NFE2L1: variants seen among roughly 807,000 people sequenced by gnomAD.
The protein encoded by NFE2L1 is NFE2 like bZIP transcription factor 1.
In NFE2L1, 18 loss-of-function variants were observed where a neutral mutation model predicts 61.6. That is an observed-to-expected ratio of 0.29 (90% CI 0.20 to 0.43). The LOEUF (loss-of-function observed/expected upper bound fraction) is 0.43. Among genes scored for constraint, NFE2L1 ranks in the 20% least tolerant of loss-of-function variants. NFE2L1 has a pLI of 1.00. For synonymous variants in NFE2L1, 419 were observed against 402.7 expected (o/e 1.04, Z -0.48); for missense variants, 827 against 973.5 (o/e 0.85, Z 2.00).
At chr17:48,054,502 A>C in intron 2 of NFE2L1, 3 of 766,036 alleles carry the variant, frequency 3.9e-6, no homozygotes, top group Non-Finnish European at 5.1e-6. Flanking sequence ...GGCGCAGCCT[A>C]GGTAACGACA....
Position 48,059,167 on chromosome 17 carries a change from G to A in NFE2L1, c.1845G>A (p.Glu615=), listed in dbSNP as rs778457767. The change falls in exon 6 of 6, where the codon GAG becomes GAA. Residue 615 remains glutamate, a synonymous_variant. Coordinates refer to ENST00000362042, the MANE Select transcript of NFE2L1 (RefSeq NM_003204.3). This position sits in a 1 kb window ranked among gnomAD's most constrained non-coding sequence, Gnocchi z 6.1. ...TGGACAAGCAGATGAGCCGGGATGA[G>A]CACCGAGCCCGAGCCATGAAGATCC... is the stretch of plus-strand genomic sequence containing the variant. ...DFLDKQMSRD[E]HRARAMKIPF... 9 of 1,613,962 alleles carry A rather than the reference G, an allele frequency of 5.6e-6. No individual in the cohort carries two copies. The East Asian group carries it at 2.0e-4, about 36-fold the overall frequency.
At position 48,059,803 on chromosome 17, in the gene NFE2L1, A is replaced by C. The variant is rs1359012342; in HGVS notation, c.*162A>C. Reference sequence around the variant, plus strand: ...GGTCAGTGTACAGGAAGAGGCAGGCACTGGCTGGCTCAGCTCCACTCGGGT... The same window carrying C: ...GGTCAGTGTACAGGAAGAGGCAGGCCCTGGCTGGCTCAGCTCCACTCGGGT... On this transcript the variant is annotated 3_prime_UTR_variant, in exon 6 of 6. Coordinates refer to ENST00000362042, the MANE Select transcript of NFE2L1 (RefSeq NM_003204.3). This position sits in a 1 kb window ranked among gnomAD's most constrained non-coding sequence, Gnocchi z 6.1. 9.0e-7 allele frequency: 1 copy of C among 1,112,420 alleles called. No homozygotes were observed. The highest frequency in any genetic ancestry group is 2.6e-5 in the East Asian group (1 of 38,142). The allele number at this position is 1,112,420 out of a possible 1,614,324, so 68.9% of individuals were successfully genotyped here.
At chr17:48,054,079 G>A (rs548103068) in intron 2 of NFE2L1, among the ~76,000 whole-genome samples, 8 of 152,302 alleles carry the variant, frequency 5.3e-5, no homozygotes, top group South Asian at 2.1e-4. Context: ...AGCCTGGCTC[G>A]TGATCCCTGG....
In NFE2L1 at chr17:48,059,513, C is replaced by G. The variant is rs142615419; in HGVS notation, c.2191C>G (p.Arg731Gly). 1.9e-6 allele frequency: 3 copies of G among 1,613,884 alleles called. No individual in the cohort carries two copies. The African/African-American group carries it at 4.0e-5, about 22-fold the overall frequency. Residue 731 changes from arginine (R) to glycine (G), a missense_variant, in exon 6 of 6, where the codon CGA (arginine) becomes GGA (glycine). Arg to Gly is a moderately radical substitution (Grantham distance 125, BLOSUM62 -2). Transcript: ENST00000362042. The surrounding 1 kb of genome is among the most constrained non-coding windows in gnomAD (Gnocchi z 6.1). ...TGGGCGGCTGCGAGATGAGAACGGA[C>G]GACCCTACTCGCCCAGTCAGTATGC... ...VFGRLRDENGRPYSPSQYALQ... is the reference protein window; with the variant it reads ...VFGRLRDENGGPYSPSQYALQ...
chr17:48,052,202 A>G (rs544978953), intron 2 of NFE2L1, among the ~76,000 whole-genome samples: 2 of 152,254 alleles, frequency 1.3e-5, no homozygotes, highest in Admixed American at 6.5e-5. Flanking sequence ...AGTAGGGAAG[A>G]GAAGTCTGGG....
rs139220224 is a variant in NFE2L1 at position 48,057,710 on chromosome 17, G to T, written c.972+208G>T. Among the ~76,000 whole-genome samples the T allele has an allele frequency of 1.1e-3, 166 of 152,310 alleles. 1 individual carries two copies. The East Asian group carries it at 0.022, about 20-fold the overall frequency. On this transcript the variant is annotated intron_variant, in intron 5 of 5. Coordinates refer to ENST00000362042, the MANE Select transcript of NFE2L1 (RefSeq NM_003204.3). ...AGGGTTTGGGTTAAATAAAACTCAG[G>T]ACTCAGCCTTCCAAATCAGGGCCTG...
In NFE2L1 at chr17:48,060,043, C is replaced by CCCCA. The variant is rs1555575576; in HGVS notation, c.*405_*406insACCC. 1 of 148,018 alleles carries CCCCA rather than the reference C, an allele frequency of 6.8e-6. No individual in the cohort carries two copies. Among genetic ancestry groups the CCCCA allele is most frequent in the African/African-American group, 2.7e-5 (1 of 37,092 alleles). 9.2% of individuals were successfully genotyped at this position (148,018 alleles called of 1,614,324 possible). ...GAAGGAAGGAAGGAAGGAACCCCCCCCCCCCCGAAAAAAAAATCAAAGCGG... is the reference window on the plus strand; with the variant it reads ...GAAGGAAGGAAGGAAGGAACCCCCCCCCCACCCCCCGAAAAAAAAATCAAAGCGG... On this transcript the variant is annotated 3_prime_UTR_variant, in exon 6 of 6. Coordinates refer to ENST00000362042, the MANE Select transcript of NFE2L1 (RefSeq NM_003204.3).
At chr17:48,057,830 G>A (rs547707462) in intron 5 of NFE2L1, among the ~76,000 whole-genome samples, 1 of 152,280 alleles carries the variant, frequency 6.6e-6, no homozygotes, top group South Asian at 2.1e-4. Flanking sequence ...ACATTCACAT[G>A]GTGCTTCACA....
In NFE2L1 at chr17:48,060,028, A is replaced by G. The variant is rs2037508627; in HGVS notation, c.*387A>G. 1.9e-5 allele frequency: 2 copies of G among 104,118 alleles called. No individual in the cohort carries two copies. Among genetic ancestry groups the G allele is most frequent in the Non-Finnish European group, 3.8e-5 (2 of 52,758 alleles). 6.4% of individuals were successfully genotyped at this position (104,118 alleles called of 1,614,324 possible). On this transcript the variant is annotated 3_prime_UTR_variant, in exon 6 of 6. Transcript: ENST00000362042. ...CAGGAAGGAGGGATAGAAGGAAGGA[A>G]GGAAGGAACCCCCCCCCCCCCGAAA... is the stretch of plus-strand genomic sequence containing the variant.
chr17:48,051,199 C>T lies in NFE2L1; in HGVS notation c.81C>T (p.Asp27=), dbSNP rs760547248. 3.1e-6 allele frequency: 5 copies of T among 1,614,080 alleles called. No homozygotes were observed. The highest frequency in any genetic ancestry group is 2.7e-5 in the African/African-American group (2 of 74,922). The change falls in exon 2 of 6, where the codon GAC becomes GAT. Residue 27 remains aspartate, a synonymous_variant. Transcript: ENST00000362042. ...ILLSLIGVRV[D]VDTYLTSQLP... ...TGAGTTTGATTGGGGTACGGGTGGA[C>T]GTGGATACTTACCTGACCTCACAGC...
chr17:48,055,220 A>G (rs916443145), intron 2 of NFE2L1: 3 of 1,279,126 alleles, frequency 2.3e-6, no homozygotes, highest in Non-Finnish European at 2.0e-6. Flanking sequence ...TTAATGGGAG[A>G]AGAATACCGA....
At chr17:48,054,913 A>G (rs978715015) in intron 2 of NFE2L1, 2 of 1,395,964 alleles carry the variant, frequency 1.4e-6, no homozygotes, top group Admixed American at 3.0e-5. Flanking sequence ...GGAGCTAGCA[A>G]GGGGCCACCC....
chr17:48,057,415 C>T lies in NFE2L1; in HGVS notation c.885C>T (p.Asn295=), dbSNP rs1007496466. ...GTGAGCCCCCTGCTCTTCAAAACAA[C>T]CTCTTGTCTCCTCTTCTGACCGGGA... is the stretch of plus-strand genomic sequence containing the variant. ...SESEPPALQN[N]LLSPLLTGTE... The change falls in exon 5 of 6, where the codon AAC becomes AAT. Residue 295 remains asparagine, a synonymous_variant. Coordinates refer to ENST00000362042, the MANE Select transcript of NFE2L1 (RefSeq NM_003204.3). The T allele has an allele frequency of 6.2e-7, 1 of 1,614,206 alleles. No homozygotes were observed. The highest frequency in any genetic ancestry group is 8.5e-7 in the Non-Finnish European group (1 of 1,180,028).
chr17:48,059,099 A>G lies in NFE2L1; in HGVS notation c.1777A>G (p.Ser593Gly). The stretch of plus-strand genomic sequence containing the variant: ...GGACTCAGCCGACCTGCCACCACCC[A>G]GTGCCCTCAAGAAAGGCAGCAAGGA... ...ALDSADLPPP[S>G]ALKKGSKEKQ... Residue 593 changes from serine to glycine, a missense_variant, in exon 6 of 6, where the codon AGT (serine) becomes GGT (glycine). Transcript: ENST00000362042. This position sits in a 1 kb window ranked among gnomAD's most constrained non-coding sequence, Gnocchi z 6.1. The G allele has an allele frequency of 1.2e-6, 2 of 1,614,118 alleles. No individual in the cohort carries two copies. The highest frequency in any genetic ancestry group is 1.7e-6 in the Non-Finnish European group (2 of 1,180,040).
rs186077740 is a variant in NFE2L1 at position 48,058,453 on chromosome 17, C to T, written c.1131C>T (p.Leu377=). ...GGGGCTGCAGCCAGGACTTCTTACT[C>T]TTCAGCCCCGAGGTGGAAAGCCTGC... ...SLGGCSQDFL[L]FSPEVESLPV... The change falls in exon 6 of 6, where the codon CTC becomes CTT. Residue 377 remains leucine, a synonymous_variant. Transcript: ENST00000362042. The T allele has an allele frequency of 1.4e-4, 218 of 1,614,118 alleles. 1 individual carries two copies. Among genetic ancestry groups the T allele is most frequent in the Non-Finnish European group, 1.8e-4 (215 of 1,180,004 alleles).
chr17:48,059,551 C>T lies in NFE2L1; in HGVS notation c.2229C>T (p.Ala743=), dbSNP rs766791282. 19 of 1,611,646 alleles carry T rather than the reference C, an allele frequency of 1.2e-5. No homozygotes were observed. The East Asian group carries it at 2.9e-4, about 25-fold the overall frequency. ...CCAGTCAGTATGCGCTCCAGTACGC[C>T]GGGGACGGCAGTGTCCTCCTCATCC... ...YSPSQYALQY[A]GDGSVLLIPR... Residue 743 remains alanine, a synonymous_variant, in exon 6 of 6, where the codon GCC becomes GCT. Transcript: ENST00000362042. This position sits in a 1 kb window ranked among gnomAD's most constrained non-coding sequence, Gnocchi z 6.1.
rs2037241857 is a variant in NFE2L1 at position 48,051,258 on chromosome 17, G to C, written c.140G>C (p.Ser47Thr). 1.2e-6 allele frequency: 2 copies of C among 1,614,038 alleles called. No homozygotes were observed. Among genetic ancestry groups the C allele is most frequent in the African/African-American group, 2.7e-5 (2 of 74,908 alleles). ...CTCCGGGAGATCATCCTGGGGCCCA[G>C]TTCTGCCTATACTCAGACCCAGTTC... ...PPLREIILGP[S>T]SAYTQTQFHN... The change falls in exon 2 of 6, where the codon AGT becomes ACT. Residue 47 changes from serine (S) to threonine (T), a missense_variant. Around this residue, in one of 3 missense-constraint regions of NFE2L1, gnomAD observed 667 missense variants for 748.4 expected, o/e 0.89. Coordinates refer to ENST00000362042, the MANE Select transcript of NFE2L1 (RefSeq NM_003204.3).
At position 48,050,955 on chromosome 17, in the gene NFE2L1, C is replaced by T; in HGVS notation, c.-164C>T. 1.3e-6 allele frequency: 1 copy of T among 784,280 alleles called. No individual in the cohort carries two copies. Among genetic ancestry groups the T allele is most frequent in the South Asian group, 1.7e-5 (1 of 59,256 alleles). 48.6% of individuals were successfully genotyped at this position (784,280 alleles called of 1,614,324 possible). A position where few individuals can be genotyped will look rare whatever the true frequency, so the allele number is the denominator to read the frequency against. On this transcript the variant is annotated 5_prime_UTR_variant, in exon 2 of 6. Coordinates refer to ENST00000362042, the MANE Select transcript of NFE2L1 (RefSeq NM_003204.3). ...TTGGCTCCACAGGGTGTGCTTTCCTCTGGGGCCGTCAGGGAGCTCATCCCT... is the reference window on the plus strand; with the variant it reads ...TTGGCTCCACAGGGTGTGCTTTCCTTTGGGGCCGTCAGGGAGCTCATCCCT...
In NFE2L1 at chr17:48,059,238, A is replaced by G. The variant is rs749399333; in HGVS notation, c.1916A>G (p.Asn639Ser). 1.9e-5 allele frequency: 30 copies of G among 1,614,046 alleles called. No homozygotes were observed. Among genetic ancestry groups the G allele is most frequent in the Admixed American group, 5.0e-5 (3 of 60,004 alleles). Reference sequence around the variant, plus strand: ...ATCAACCTGCCTGTGGAGGAGTTCAATGAACTGCTGTCCAAATACCAGTTG... The same window carrying G: ...ATCAACCTGCCTGTGGAGGAGTTCAGTGAACTGCTGTCCAAATACCAGTTG... The part of the protein sequence containing the change: ...KIINLPVEEF[N>S]ELLSKYQLSE... Residue 639 changes from asparagine to serine, a missense_variant, in exon 6 of 6, where the codon AAT becomes AGT. Transcript: ENST00000362042. The surrounding 1 kb of genome is among the most constrained non-coding windows in gnomAD (Gnocchi z 6.1).
Sources: allele counts gnomAD v4.1 joint callset (sites outside exome capture counted in the v4.1 genomes callset), GRCh38; gene constraint gnomAD v4.1.1; regional missense constraint gnomAD v4.1.1; non-coding constraint Gnocchi (gnomAD v3.1); transcripts MANE v1.5; gene names NCBI Gene and HGNC (gene_info 2026-07-23, HGNC 2026-07-21).